ZNF582: variants seen among roughly 807,000 people sequenced by gnomAD.
The protein encoded by ZNF582 is zinc finger protein 582.
In ZNF582, 14 loss-of-function variants were observed where a neutral mutation model predicts 12.3. That is an observed-to-expected ratio of 1.14 (90% CI 0.75 to 1.78). The LOEUF (loss-of-function observed/expected upper bound fraction) is 1.78, where lower values mean the gene tolerates loss of function less well. Ranked by LOEUF, ZNF582 falls within the 40% of genes most tolerant of loss-of-function variation. The probability of loss-of-function intolerance (pLI) is 0.00; values close to 1 mark genes in which losing one functional copy is unlikely to be tolerated. For missense variants in ZNF582, 567 were observed against 616.5 expected, an observed-to-expected ratio of 0.92 and a Z score of 0.85; for synonymous variants, 210 against 207.2, an observed-to-expected ratio of 1.01 and a Z score of -0.11.
chr19:56,391,686 C>A, intron 2 of ZNF582, 58 bp downstream of exon 2: 1 of 1,531,042 alleles, frequency 6.5e-7, no homozygotes, highest in South Asian at 1.1e-5. Flanking sequence ...CTGGATGGAA[C>A]CCAGGTGGAA....
chr19:56,389,203 G>A (rs1416949419), intron 4 of ZNF582, among the ~76,000 whole-genome samples: 1 of 152,174 alleles, frequency 6.6e-6, no homozygotes, highest in Admixed American at 6.5e-5. Flanking sequence ...TGCAGTGTAA[G>A]TTCCATGAAA....
chr19:56,393,215 C>A lies in ZNF582; in HGVS notation c.-81+5G>T. On this transcript the variant is annotated splice_donor_5th_base_variant and intron_variant, in intron 1 of 4. Transcript: ENST00000586929. ...TCAGGGGGTCGGAGACCCCTGCGCACCCACCTAAGGGGTCCATGCACCTGG... is the reference window on the plus strand; with the variant it reads ...TCAGGGGGTCGGAGACCCCTGCGCAACCACCTAAGGGGTCCATGCACCTGG... 2 of 1,262,872 alleles carry A rather than the reference C, an allele frequency of 1.6e-6. No individual in the cohort carries two copies. The highest frequency in any genetic ancestry group is 2.0e-6 in the Non-Finnish European group (2 of 981,910). 78.2% of individuals were successfully genotyped at this position (1,262,872 alleles called of 1,614,324 possible). A position where few individuals can be genotyped will look rare whatever the true frequency, so the allele number is the denominator to read the frequency against.
At chr19:56,392,314 C>T (rs777854618) in intron 1 of ZNF582, among the ~76,000 whole-genome samples, 10 of 152,236 alleles carry the variant, frequency 6.6e-5, no homozygotes, top group Non-Finnish European at 1.5e-4. Flanking sequence ...AAAAGCTCTA[C>T]AGCCCAAACT....
intron 2 of ZNF582, 21 bp from the exon 3 acceptor site, chr19:56,390,522 G>C: frequency 6.2e-7 from 1 of 1,613,716 alleles, no homozygotes; most frequent in Non-Finnish European, 8.5e-7. Flanking sequence ...AGGCATGTAT[G>C]ATATATATGT....
At chr19:56,389,945 T>A (rs1422097594) in intron 4 of ZNF582, 56 bp downstream of exon 4, 13 of 1,438,796 alleles carry the variant, frequency 9.0e-6, no homozygotes, top group Non-Finnish European at 1.3e-5. Flanking sequence ...AAGGGCCACT[T>A]CCAGCGGACC....
Position 56,390,097 on chromosome 19 carries a change from C to T in ZNF582, c.137-1G>A. 1 of 1,613,492 alleles carries T rather than the reference C, an allele frequency of 6.2e-7. No homozygotes were observed. The highest frequency in any genetic ancestry group is 8.5e-7 in the Non-Finnish European group (1 of 1,179,796). On this transcript the variant is annotated splice_acceptor_variant, in intron 3 of 4. Coordinates refer to ENST00000586929, the Ensembl canonical transcript of ZNF582. LOFTEE classifies it high-confidence loss of function. The stretch of plus-strand genomic sequence containing the variant: ...ACATCAGGTTTGGAAACGGCAAGAC[C>T]TGGAGATGAGAAGAAACATGCCACC...
chr19:56,385,046 C>A (rs200719269), exon 5 of ZNF582: 70 of 1,614,132 alleles, frequency 4.3e-5, no homozygotes, highest in Non-Finnish European at 5.1e-5. Context: ...CTGGTTTCTG[C>A]ATTCCCAATC....
chr19:56,385,168 A>AT lies in ZNF582; in HGVS notation c.248dup (p.Tyr83Ter), dbSNP rs774275830. ...GCTTTGGAAATAATTCCTTGGTATC[A>AT]TATCTGGACTCCAATACTAAGAATG... The change falls in exon 5 of 5, where the codon TAT (tyrosine) becomes TAAT (stop). Residue 83 changes from tyrosine (Y) to a stop codon, truncating the protein, a stop_gained and frameshift_variant. Transcript: ENST00000586929. LOFTEE classifies it low-confidence loss of function (END_TRUNC). 2 of 1,597,192 alleles carry AT rather than the reference A, an allele frequency of 1.3e-6. No individual in the cohort carries two copies. The highest frequency in any genetic ancestry group is 2.3e-5 in the South Asian group (2 of 88,732).
rs138857877 is a variant in ZNF582, at chr19:56,390,342, T to C, written c.136+33A>G. On this transcript the variant is annotated intron_variant, in intron 3 of 4. Coordinates refer to ENST00000586929, the Ensembl canonical transcript of ZNF582. ...GACCAGGAAGGAACATGCCCAAGGA[T>C]AACCTCCAAACTAACAGACGAGATC... The C allele has an allele frequency of 2.9e-5, 47 of 1,613,786 alleles. No individual in the cohort carries two copies. The African/African-American group carries it at 5.9e-4, about 20-fold the overall frequency.
chr19:56,386,702 A>G (rs147953405), intron 4 of ZNF582: 1 of 152,398 alleles, frequency 6.6e-6, no homozygotes, highest in East Asian at 1.9e-4. Context: ...GGGCACCACC[A>G]TGCTCAGCTA....
Position 56,393,137 on chromosome 19 carries a change from G to C in ZNF582, c.-81+83C>G, listed in dbSNP as rs866008356. 7 of 1,013,544 alleles carry C rather than the reference G, an allele frequency of 6.9e-6. No individual in the cohort carries two copies. In the Middle Eastern group the frequency reaches 7.5e-4, roughly 108 times the overall value. 62.8% of individuals were successfully genotyped at this position (1,013,544 alleles called of 1,614,324 possible). A position where few individuals can be genotyped will look rare whatever the true frequency, so the allele number is the denominator to read the frequency against. Reference sequence around the variant, plus strand: ...CCTCATGAAACAAGATTTCCTCTCAGATTAAAAAAAAAAAAAGGCACGCAT... The same window carrying C: ...CCTCATGAAACAAGATTTCCTCTCACATTAAAAAAAAAAAAAGGCACGCAT... On this transcript the variant is annotated intron_variant, in intron 1 of 4. Coordinates refer to ENST00000586929, the Ensembl canonical transcript of ZNF582.
At chr19:56,389,409 G>A (rs2041997023) in intron 4 of ZNF582, among the ~76,000 whole-genome samples, 1 of 152,162 alleles carries the variant, frequency 6.6e-6, no homozygotes, top group Non-Finnish European at 1.5e-5. Flanking sequence ...ATTATCCTAA[G>A]CAAACTAACA....
chr19:56,391,933 A>C, intron 1 of ZNF582, 101 bp from the exon 2 acceptor site: 2 of 993,928 alleles, frequency 2.0e-6, no homozygotes, highest in Non-Finnish European at 3.0e-6. Context: ...CCCACCAAGA[A>C]AATGAGAAGG....
chr19:56,388,425 C>T (rs1207031065), intron 4 of ZNF582: 1 of 152,132 alleles, frequency 6.6e-6, no homozygotes, highest in Non-Finnish European at 1.5e-5. Context: ...TTAAAAATCA[C>T]TATTTTGTAA....
chr19:56,384,185 G>GT lies in ZNF582; in HGVS notation c.1231dup (p.Thr411AsnfsTer10). The stretch of plus-strand genomic sequence containing the variant: ...ACCTGTATGAATTCTGTAATGTACA[G>GT]TAAGATGTGAGACCCGTTTGAAGGC... On this transcript the variant is annotated frameshift_variant, in exon 5 of 5. Transcript: ENST00000586929. LOFTEE classifies it low-confidence loss of function (END_TRUNC). 1 of 1,608,218 alleles carries GT rather than the reference G, an allele frequency of 6.2e-7. No homozygotes were observed. Among genetic ancestry groups the GT allele is most frequent in the Non-Finnish European group, 8.5e-7 (1 of 1,177,758 alleles).
chr19:56,384,005 C>A (rs749937000), exon 5 of ZNF582: 2 of 1,613,820 alleles, frequency 1.2e-6, no homozygotes, highest in African/African-American at 2.7e-5. Flanking sequence ...ATTATGCATT[C>A]TCTGAGGTTG....
At chr19:56,388,612 C>T (rs1006021099) in intron 4 of ZNF582, among the ~76,000 whole-genome samples, 10 of 152,060 alleles carry the variant, frequency 6.6e-5, no homozygotes, top group South Asian at 6.2e-4. Context: ...AACTTCATAA[C>T]GTGGTTGCCT....
chr19:56,391,927 C>A (rs1240199981), intron 1 of ZNF582, 95 bp from the exon 2 acceptor site: 2 of 1,056,130 alleles, frequency 1.9e-6, no homozygotes, highest in Non-Finnish European at 2.7e-6. Context: ...CCTCTGCCCA[C>A]CAAGAAAATG....
At chr19:56,384,379 C>A in exon 5 of ZNF582, 2 of 1,609,462 alleles carry the variant, frequency 1.2e-6, no homozygotes, top group Non-Finnish European at 1.7e-6. Flanking sequence ...GATTAAAAGC[C>A]TTCCCACATT....
Sources: gnomAD v4.1 joint callset for allele counts (sites outside exome capture counted in the v4.1 genomes callset) on GRCh38, gnomAD v4.1.1 for gene constraint, MANE v1.5 for transcripts, NCBI Gene and HGNC (gene_info 2026-07-23, HGNC 2026-07-21) for gene names.